TANC2: variants seen among roughly 807,000 people sequenced by gnomAD.
TANC2 encodes the protein protein TANC2.
TANC2 carries 26 observed loss-of-function variants against 210.5 expected under a neutral mutation model. The observed-to-expected ratio is 0.12, with a 90% CI of 0.09 to 0.17. TANC2 has a LOEUF of 0.17. Among genes scored for constraint, TANC2 ranks in the 10% least tolerant of loss-of-function variants. The pLI is 1.00. For synonymous variants in TANC2, 931 were observed against 967.1 expected (o/e 0.96, Z 0.69); for missense variants, 2,129 against 2,608.9 (o/e 0.82, Z 4.01).
chr17:63,306,238 A>C (rs1045217231), intron 9 of TANC2, among the ~76,000 whole-genome samples: 1 of 152,242 alleles, frequency 6.6e-6, no homozygotes, highest in Admixed American at 6.5e-5. Context: ...GGAAAAATTC[A>C]TAAGACTTGA....
chr17:62,988,359 A>G (rs1373881412), intron 1 of TANC2, among the ~76,000 whole-genome samples: 1 of 145,506 alleles, frequency 6.9e-6, no homozygotes, highest in Non-Finnish European at 1.5e-5. Flanking sequence ...GCTGGTCTTG[A>G]ATGCCTCACC....
chr17:63,003,825 C>A (rs553905940), intron 1 of TANC2, among the ~76,000 whole-genome samples: 8 of 151,940 alleles, frequency 5.3e-5, no homozygotes, highest in Admixed American at 6.6e-5. Context: ...TTTTAAGTGG[C>A]TGTTGCTTTC....
chr17:63,240,161 A>C (rs796628366), intron 8 of TANC2, among the ~76,000 whole-genome samples: 1 of 152,232 alleles, frequency 6.6e-6, no homozygotes. Flanking sequence ...TTGCTCGTAT[A>C]TAAATAGAGG....
chr17:63,232,483 T>C (rs190323902), intron 7 of TANC2, among the ~76,000 whole-genome samples: 13 of 152,368 alleles, frequency 8.5e-5, no homozygotes, highest in East Asian at 7.7e-4. Flanking sequence ...CTTTCTGTTA[T>C]TTGTTTTTCT....
At chr17:63,223,931 T>C (rs1306016461) in intron 7 of TANC2, among the ~76,000 whole-genome samples, 1 of 152,138 alleles carries the variant, frequency 6.6e-6, no homozygotes, top group East Asian at 1.9e-4. Context: ...ATAGTTAACC[T>C]AACACATAGC....
At chr17:63,215,500 C>T (rs2042001057) in intron 7 of TANC2, among the ~76,000 whole-genome samples, 2 of 152,000 alleles carry the variant, frequency 1.3e-5, no homozygotes, top group Non-Finnish European at 2.9e-5. Context: ...ACACTTTTAG[C>T]CCCACTCCAG....
chr17:63,193,829 T>G, intron 5 of TANC2, 162 bp from the exon 6 acceptor site: 1 of 642,078 alleles, frequency 1.6e-6, no homozygotes, highest in Non-Finnish European at 2.3e-6. Flanking sequence ...GGAAGCGAAT[T>G]TATATTGGGA....
intron 6 of TANC2, among the ~76,000 whole-genome samples, chr17:63,198,777 T>C (rs953447981): frequency 3.3e-5 from 5 of 150,766 alleles, no homozygotes; most frequent in Admixed American, 1.3e-4. Context: ...AAAAAGATTT[T>C]AAGGTTAAAA....
chr17:63,293,286 T>A (rs557197738), intron 9 of TANC2, among the ~76,000 whole-genome samples: 1 of 152,322 alleles, frequency 6.6e-6, no homozygotes, highest in African/African-American at 2.4e-5. Flanking sequence ...TGCCTTTTGT[T>A]TGGTGCTAAT....
chr17:63,189,510 A>G (rs1189639455), intron 5 of TANC2, among the ~76,000 whole-genome samples: 3 of 152,210 alleles, frequency 2.0e-5, no homozygotes, highest in South Asian at 2.1e-4. Context: ...ATGACTAATT[A>G]TGTCAAACAT....
intron 11 of TANC2, chr17:63,334,222 T>G (rs1216840873): frequency 6.6e-6 from 1 of 152,190 alleles, no homozygotes; most frequent in Non-Finnish European, 1.5e-5. Context: ...AACAGAGGCT[T>G]TTTAGAGAAG....
intron 9 of TANC2, among the ~76,000 whole-genome samples, chr17:63,307,093 G>A (rs914736645): frequency 6.6e-6 from 1 of 152,210 alleles, no homozygotes; most frequent in Non-Finnish European, 1.5e-5. Flanking sequence ...GATGTGAGAT[G>A]CCTGCAGGGG....
chr17:63,115,579 TG>T (rs1209322247), intron 4 of TANC2, among the ~76,000 whole-genome samples: 2 of 152,334 alleles, frequency 1.3e-5, no homozygotes, highest in Middle Eastern at 3.4e-3. Flanking sequence ...TGCAGTGTGA[TG>T]GGACACAATA....
rs1200479152 is a variant in TANC2, at chr17:63,249,995, G to T, written c.1033+11918G>T. Among the ~76,000 whole-genome samples, 8 of 152,220 alleles carry T rather than the reference G, an allele frequency of 5.3e-5. No homozygotes were observed. In the East Asian group the frequency reaches 1.5e-3, roughly 29 times the overall value. On this transcript the variant is annotated intron_variant, in intron 8 of 27. Coordinates refer to ENST00000689528, the Ensembl canonical transcript of TANC2. ...TAGATTTCTTCTGCCCACTTGTAGT[G>T]TATTTAAATTATTTTAACTTCAAAA...
intron 15 of TANC2, among the ~76,000 whole-genome samples, chr17:63,385,159 C>T (rs183812421): frequency 5.1e-4 from 78 of 152,326 alleles, no homozygotes; most frequent in African/African-American, 1.8e-3. Context: ...CATTGTAGAT[C>T]TGAATAAATG....
At chr17:63,370,822 G>T (rs1027403196) in intron 14 of TANC2, among the ~76,000 whole-genome samples, 1 of 152,058 alleles carries the variant, frequency 6.6e-6, no homozygotes, top group Non-Finnish European at 1.5e-5. Context: ...GATTCTTCTG[G>T]GCCAGGTCTG....
chr17:63,418,267 T>A lies in TANC2; in HGVS notation c.4168-40T>A. ...ATTCCCAAGTTGTCTATTTTTTATA[T>A]CTCATCAATGACTCATTTGCACACC... On this transcript the variant is annotated intron_variant, in intron 26 of 27. Coordinates refer to ENST00000689528, the Ensembl canonical transcript of TANC2. This position sits in a 1 kb window ranked among gnomAD's most constrained non-coding sequence, Gnocchi z 4.6. 1 of 1,559,006 alleles carries A rather than the reference T, an allele frequency of 6.4e-7. No individual in the cohort carries two copies. The highest frequency in any genetic ancestry group is 8.8e-7 in the Non-Finnish European group (1 of 1,140,466).
At chr17:63,288,349 A>G (rs2044286304) in intron 9 of TANC2, among the ~76,000 whole-genome samples, 1 of 152,088 alleles carries the variant, frequency 6.6e-6, no homozygotes, top group Non-Finnish European at 1.5e-5. Flanking sequence ...TCTTTCTGTT[A>G]TTGGTTTCTA....
intron 1 of TANC2, among the ~76,000 whole-genome samples, chr17:63,005,440 A>G (rs1346302702): frequency 6.6e-6 from 1 of 151,854 alleles, no homozygotes; most frequent in Non-Finnish European, 1.5e-5. Context: ...TTGCATTATC[A>G]TGTGTGCTTT....
Sources: gnomAD v4.1 joint callset for allele counts (sites outside exome capture counted in the v4.1 genomes callset) on GRCh38, gnomAD v4.1.1 for gene constraint, Gnocchi (gnomAD v3.1) non-coding constraint, MANE v1.5 for transcripts, NCBI Gene and HGNC (gene_info 2026-07-23, HGNC 2026-07-21) for gene names.